NCKAP5: variants seen among roughly 807,000 people sequenced by gnomAD.
NCKAP5 encodes the protein NCK associated protein 5, also known as nck-associated protein 5.
NCKAP5 carries 92 observed loss-of-function variants against 167.0 expected under a neutral mutation model. The ratio of observed to expected loss-of-function variants is 0.55; its 90% confidence interval spans 0.47 to 0.66. The LOEUF (loss-of-function observed/expected upper bound fraction) is 0.66. NCKAP5 is among the 30% of genes least tolerant of loss of function. The pLI is 0.00. For missense variants in NCKAP5, 2,378 were observed against 2,315.0 expected (o/e 1.03, Z -0.56); for synonymous variants, 891 against 877.4 (o/e 1.02, Z -0.27).
intron 13 of NCKAP5, among the ~76,000 whole-genome samples, chr2:132,787,447 C>T (rs2105086935): frequency 6.6e-6 from 1 of 151,970 alleles, no homozygotes. Flanking sequence ...TTGGCTACAT[C>T]AGTCTCCTCC....
intron 1 of NCKAP5, among the ~76,000 whole-genome samples, chr2:133,566,896 A>T (rs534368989): frequency 6.2e-4 from 94 of 152,356 alleles, no homozygotes; most frequent in African/African-American, 2.2e-3. Context: ...CTGATGGAAA[A>T]AAATGGAGCT....
the NCKAP5 span, among the ~76,000 whole-genome samples, chr2:133,577,840 T>C: frequency 2.0e-5 from 3 of 152,202 alleles, no homozygotes; most frequent in African/African-American, 7.2e-5. Flanking sequence ...CTTAACCAGA[T>C]GGAAAAACAA....
chr2:132,936,916 A>G (rs747644589), intron 8 of NCKAP5, among the ~76,000 whole-genome samples: 28 of 152,204 alleles, frequency 1.8e-4, no homozygotes, highest in Middle Eastern at 3.2e-3. Flanking sequence ...GGCAGGGAAT[A>G]ATTTTTACCA....
At chr2:133,009,954 C>T (rs1188187273) in intron 6 of NCKAP5, among the ~76,000 whole-genome samples, 1 of 151,842 alleles carries the variant, frequency 6.6e-6, no homozygotes, top group South Asian at 2.1e-4. Flanking sequence ...GCCTGTAGTC[C>T]CAGCTACTCA....
chr2:132,797,292 G>A (rs574841843), intron 11 of NCKAP5, among the ~76,000 whole-genome samples: 1 of 152,256 alleles, frequency 6.6e-6, no homozygotes, highest in African/African-American at 2.4e-5. Context: ...GGACTCTGAG[G>A]ATTTTGTACA....
intron 11 of NCKAP5, among the ~76,000 whole-genome samples, chr2:132,845,747 T>C (rs1005729543): frequency 6.6e-6 from 1 of 152,174 alleles, no homozygotes. Flanking sequence ...TTTTCAACGC[T>C]TACTTGGCTA....
At chr2:133,048,588 TC>T (rs1480235381) in intron 6 of NCKAP5, among the ~76,000 whole-genome samples, 5 of 152,198 alleles carry the variant, frequency 3.3e-5, no homozygotes, top group African/African-American at 1.2e-4. Context: ...TTGTCTTATG[TC>T]ACAATTCTCT....
At chr2:132,683,978 G>A (rs914149447) in intron 19 of NCKAP5, among the ~76,000 whole-genome samples, 1 of 152,140 alleles carries the variant, frequency 6.6e-6, no homozygotes, top group Admixed American at 6.5e-5. Flanking sequence ...CTAGTACCAG[G>A]TACCACACAG....
intron 5 of NCKAP5, among the ~76,000 whole-genome samples, chr2:133,207,811 A>G (rs1027442980): frequency 6.6e-6 from 1 of 152,226 alleles, no homozygotes; most frequent in East Asian, 1.9e-4. Flanking sequence ...TTGAATAAAT[A>G]ATAAGGAAGA....
At chr2:132,903,931 T>G (rs1051927909) in intron 8 of NCKAP5, among the ~76,000 whole-genome samples, 2 of 152,200 alleles carry the variant, frequency 1.3e-5, no homozygotes, top group Admixed American at 6.5e-5. Flanking sequence ...TATTACAATT[T>G]ATGTATTGGG....
In NCKAP5 at chr2:133,295,312, G is replaced by A. The variant is rs144191336; in HGVS notation, c.143+7725C>T. On this transcript the variant is annotated intron_variant, in intron 4 of 19. Transcript: ENST00000409261. ...TTGAACCTTAGAGTAGATGCTCTAAGACAGATAGGATTTGGAGTTTTATTT... is the reference window on the plus strand; with the variant it reads ...TTGAACCTTAGAGTAGATGCTCTAAAACAGATAGGATTTGGAGTTTTATTT... Among the ~76,000 whole-genome samples, 315 of 152,248 alleles carry A rather than the reference G, an allele frequency of 2.1e-3. 3 individuals are homozygous for A. Among genetic ancestry groups the A allele is most frequent in the African/African-American group, 6.1e-3 (254 of 41,548 alleles).
chr2:132,999,215 T>C (rs2077700848), intron 6 of NCKAP5, among the ~76,000 whole-genome samples: 1 of 152,246 alleles, frequency 6.6e-6, no homozygotes, highest in Non-Finnish European at 1.5e-5. Flanking sequence ...GTACACACTA[T>C]GTAATCAATA....
intron 6 of NCKAP5, among the ~76,000 whole-genome samples, chr2:132,996,309 T>C (rs2077597678): frequency 6.6e-6 from 1 of 152,386 alleles, no homozygotes; most frequent in Non-Finnish European, 1.5e-5. Context: ...TGTGTATTTC[T>C]ACAAATTATA....
At chr2:132,842,628 C>T (rs1364122746) in intron 11 of NCKAP5, among the ~76,000 whole-genome samples, 2 of 152,004 alleles carry the variant, frequency 1.3e-5, no homozygotes, top group Non-Finnish European at 2.9e-5. Context: ...TCATGGCTCA[C>T]TGCCTCAACC....
At chr2:132,752,800 C>A (rs557292623) in intron 16 of NCKAP5, among the ~76,000 whole-genome samples, 2 of 152,222 alleles carry the variant, frequency 1.3e-5, no homozygotes, top group African/African-American at 4.8e-5. Context: ...AAGCTGGAGA[C>A]CCAGGAGAGC....
chr2:133,050,495 T>G (rs1219299631), intron 6 of NCKAP5, among the ~76,000 whole-genome samples: 1 of 152,204 alleles, frequency 6.6e-6, no homozygotes, highest in African/African-American at 2.4e-5. Context: ...AAGTAATCTT[T>G]CCTGTTTGTA....
chr2:133,335,563 T>C (rs975733211), intron 3 of NCKAP5, among the ~76,000 whole-genome samples: 1 of 152,202 alleles, frequency 6.6e-6, no homozygotes, highest in Non-Finnish European at 1.5e-5. Context: ...CCGCCACTTG[T>C]TCTATAAAAA....
chr2:133,103,980 C>CT (rs71398584), intron 6 of NCKAP5, among the ~76,000 whole-genome samples: 33,978 of 149,218 alleles, frequency 0.23, 4,696 homozygotes, highest in Non-Finnish European at 0.32. Flanking sequence ...ACTGAGGTGA[C>CT]TTTTTTTTTT....
Position 133,054,726 on chromosome 2 carries a change from C to A in NCKAP5, c.342-60487G>T, listed in dbSNP as rs755087714. Among the ~76,000 whole-genome samples, 5 of 152,240 alleles carry A rather than the reference C, an allele frequency of 3.3e-5. No homozygotes were observed. In the South Asian group the frequency reaches 6.2e-4, roughly 19 times the overall value. On this transcript the variant is annotated intron_variant, in intron 6 of 19. Coordinates refer to ENST00000409261, the MANE Select transcript of NCKAP5 (RefSeq NM_207363.3). ...AATTCAGAACTAGAAAGTAAAGTAT[C>A]CTCACATGGTAGAATGACATATGCC...
Sources: allele counts gnomAD v4.1 joint callset (sites outside exome capture counted in the v4.1 genomes callset), GRCh38; gene constraint gnomAD v4.1.1; transcripts MANE v1.5; gene names NCBI Gene and HGNC (gene_info 2026-07-23, HGNC 2026-07-21).